The following FGF12 variants were observed in gnomAD, a reference collection of about 807,000 sequenced individuals.
The protein encoded by FGF12 is fibroblast growth factor 12, also known as fibroblast growth factor 12B.
A neutral mutation model predicts 23.6 loss-of-function variants in FGF12; 14 were observed. The ratio of observed to expected loss-of-function variants is 0.59; its 90% CI spans 0.39 to 0.93. The LOEUF (loss-of-function observed/expected upper bound fraction) is 0.93, where lower values mean the gene tolerates loss of function less well. Ranked by LOEUF, FGF12 falls within the 40% of genes least tolerant of loss-of-function variation. FGF12 has a pLI of 0.00. For missense variants in FGF12, 175 were observed against 217.8 expected (o/e 0.80, Z 1.24); for synonymous variants, 62 against 77.3 (o/e 0.80, Z 1.04).
chr3:192,310,005 T>C (rs1415012793), intron 4 of FGF12, among the ~76,000 whole-genome samples: 2 of 152,184 alleles, frequency 1.3e-5, no homozygotes, highest in South Asian at 2.1e-4. Flanking sequence ...ATATTTAAAA[T>C]GGTAAATTAT....
chr3:192,279,204 A>T (rs1364309958), intron 4 of FGF12, among the ~76,000 whole-genome samples: 1 of 146,066 alleles, frequency 6.8e-6, no homozygotes, highest in Non-Finnish European at 1.5e-5. Flanking sequence ...ATTTTACCTT[A>T]TAAGTCATGC....
chr3:192,629,247 T>C (rs1715297060), intron 2 of FGF12, among the ~76,000 whole-genome samples: 1 of 152,224 alleles, frequency 6.6e-6, no homozygotes, highest in South Asian at 2.1e-4. Flanking sequence ...TCTCCAAAAG[T>C]AACCCACTGA....
chr3:192,232,947 C>T (rs1291208633), intron 4 of FGF12, among the ~76,000 whole-genome samples: 2 of 152,140 alleles, frequency 1.3e-5, no homozygotes, highest in African/African-American at 4.8e-5. Flanking sequence ...TTTATCCGGT[C>T]CACTGTTGAT....
chr3:192,169,905 C>T (rs1442899172), intron 5 of FGF12, among the ~76,000 whole-genome samples: 2 of 148,788 alleles, frequency 1.3e-5, no homozygotes, highest in African/African-American at 2.5e-5. Flanking sequence ...TAAATGATTA[C>T]GAGAGAAAAG....
intron 2 of FGF12, among the ~76,000 whole-genome samples, chr3:192,703,160 T>G (rs1187943070): frequency 3.3e-5 from 5 of 152,230 alleles, no homozygotes; most frequent in Non-Finnish European, 7.3e-5. Flanking sequence ...TTATCTTCCT[T>G]ATACAGGCAT....
At chr3:192,600,443 A>G (rs977901156) in intron 2 of FGF12, among the ~76,000 whole-genome samples, 2 of 152,114 alleles carry the variant, frequency 1.3e-5, no homozygotes, top group Non-Finnish European at 2.9e-5. Flanking sequence ...CGGTATTTTG[A>G]TAGAGATTTC....
chr3:192,350,821 T>C (rs1718185770), intron 3 of FGF12, among the ~76,000 whole-genome samples: 1 of 152,172 alleles, frequency 6.6e-6, no homozygotes, highest in Non-Finnish European at 1.5e-5. Context: ...ATGAAAGGGA[T>C]TGAGCAAAGA....
In FGF12 at chr3:192,390,029, A is replaced by C. The variant is rs114412614; in HGVS notation, c.14-29491T>G. On this transcript the variant is annotated intron_variant, in intron 2 of 5. Coordinates refer to ENST00000445105, the MANE Select transcript of FGF12 (RefSeq NM_004113.6). Reference sequence around the variant, plus strand: ...CTGACTTAGTTCACTTAGTTTATGAAAAACATTCAAATGTCCATGGGTTTT... The same window carrying C: ...CTGACTTAGTTCACTTAGTTTATGACAAACATTCAAATGTCCATGGGTTTT... 2.2e-3 allele frequency among the ~76,000 whole-genome samples: 330 copies of C among 152,338 alleles called. 1 individual carries two copies. The highest frequency in any genetic ancestry group is 7.3e-3 in the African/African-American group (303 of 41,586).
intron 4 of FGF12, among the ~76,000 whole-genome samples, chr3:192,330,709 A>T (rs1379039429): frequency 6.6e-6 from 1 of 151,220 alleles, no homozygotes; most frequent in African/African-American, 2.5e-5. Context: ...CTCAAGAAAC[A>T]AAAAACAAAA....
At chr3:192,634,315 A>G (rs1715501792) in intron 2 of FGF12, among the ~76,000 whole-genome samples, 1 of 152,222 alleles carries the variant, frequency 6.6e-6, no homozygotes, top group Non-Finnish European at 1.5e-5. Context: ...AAATAAAATT[A>G]AAATGTAATA....
intron 2 of FGF12, among the ~76,000 whole-genome samples, chr3:192,365,976 T>TAAAAAAAA (rs5855421): frequency 7.6e-6 from 1 of 130,788 alleles, no homozygotes. Flanking sequence ...GCTTCAAAGG[T>TAAAAAAAA]AAAAAAAAAA....
intron 2 of FGF12, among the ~76,000 whole-genome samples, chr3:192,605,822 C>T (rs2108635483): frequency 6.6e-6 from 1 of 152,218 alleles, no homozygotes; most frequent in African/African-American, 2.4e-5. Context: ...CAATGACATA[C>T]CATCTCACAG....
chr3:192,506,955 G>A (rs1317133340), intron 2 of FGF12, among the ~76,000 whole-genome samples: 1 of 144,034 alleles, frequency 6.9e-6, no homozygotes, highest in Non-Finnish European at 1.5e-5. Context: ...GTAGTGGTGT[G>A]ATCTCGGCTC....
At chr3:192,617,425 G>A (rs978436388) in intron 2 of FGF12, among the ~76,000 whole-genome samples, 1 of 151,916 alleles carries the variant, frequency 6.6e-6, no homozygotes, top group African/African-American at 2.4e-5. Context: ...TGATAAAGGG[G>A]GTCATAAAAT....
rs915619677 is a variant in FGF12 at position 192,142,301 on chromosome 3, T to G, written c.*1708A>C. The G allele has an allele frequency of 6.6e-6, 1 of 152,438 alleles. No individual in the cohort carries two copies. The highest frequency in any genetic ancestry group is 2.4e-5 in the African/African-American group (1 of 41,422). The allele number at this position is 152,438 out of a possible 1,614,324, so 9.4% of individuals were successfully genotyped here. ...TTGTGTAAAGTGAGGGAAACTATAT[T>G]GACCTTGAAATACGGCAACCAATGG... is the stretch of plus-strand genomic sequence containing the variant. On this transcript the variant is annotated 3_prime_UTR_variant, in exon 6 of 6. Transcript: ENST00000445105.
chr3:192,511,477 G>A (rs532850595), intron 2 of FGF12, among the ~76,000 whole-genome samples: 86 of 152,232 alleles, frequency 5.6e-4, no homozygotes, highest in African/African-American at 1.8e-3. Context: ...ATTTTGAGAG[G>A]AATGGGAATA....
Position 192,399,218 on chromosome 3 carries a change from T to C in FGF12, c.14-38680A>G, listed in dbSNP as rs74670186. On this transcript the variant is annotated intron_variant, in intron 2 of 5. Transcript: ENST00000445105. ...TAACCTCCAAGATGATGTTAGGAAG[T>C]GGAAGACTTTGAGAAGTGATTAGGT... Among the ~76,000 whole-genome samples the C allele has an allele frequency of 8.5e-3, 1,289 of 152,142 alleles. 9 individuals carry two copies. The highest frequency in any genetic ancestry group is 0.013 in the Non-Finnish European group (863 of 68,008).
At chr3:192,151,392 G>A in intron 5 of FGF12, among the ~76,000 whole-genome samples, 1 of 132,074 alleles carries the variant, frequency 7.6e-6, no homozygotes, top group Non-Finnish European at 1.6e-5. Context: ...CCTGTCTTGT[G>A]CCAGTTTTCA....
chr3:192,514,118 G>A lies in FGF12; in HGVS notation c.14-153580C>T, dbSNP rs1029045005. On this transcript the variant is annotated intron_variant, in intron 2 of 5. Transcript: ENST00000445105. The surrounding 1 kb of genome is among the most constrained non-coding windows in gnomAD (Gnocchi z 4.9). ...CCAGGGCACCCGGTTGAAGCCCAAG[G>A]CTAACTGGGACCCTCCTACTTCAGC... Among the ~76,000 whole-genome samples, 3 of 152,104 alleles carry A rather than the reference G, an allele frequency of 2.0e-5. No homozygotes were observed. The highest frequency in any genetic ancestry group is 7.2e-5 in the African/African-American group (3 of 41,396).
Sources: allele counts gnomAD v4.1 joint callset (sites outside exome capture counted in the v4.1 genomes callset), GRCh38; gene constraint gnomAD v4.1.1; non-coding constraint Gnocchi (gnomAD v3.1); transcripts MANE v1.5; gene names NCBI Gene and HGNC (gene_info 2026-07-23, HGNC 2026-07-21).